The following PIP5K1B variants were observed in gnomAD, a reference collection of about 807,000 sequenced individuals.
PIP5K1B encodes the protein phosphatidylinositol-4-phosphate 5-kinase type 1 beta.
Under a neutral mutation model 67.0 loss-of-function variants are expected in PIP5K1B, and 42 were observed. The ratio of observed to expected loss-of-function variants is 0.63; its 90% CI spans 0.49 to 0.81. The LOEUF is 0.81. Among genes scored for constraint, PIP5K1B ranks in the 30% least tolerant of loss-of-function variants. PIP5K1B has a pLI of 0.00. For missense variants in PIP5K1B, 459 were observed against 646.3 expected (o/e 0.71, Z 3.14); for synonymous variants, 214 against 231.4 (o/e 0.92, Z 0.68).
chr9:69,006,892 T>C (rs1036364332), intron 15 of PIP5K1B, among the ~76,000 whole-genome samples: 4 of 152,238 alleles, frequency 2.6e-5, no homozygotes, highest in Non-Finnish European at 5.9e-5. Flanking sequence ...TGTATGTCAC[T>C]GGTTTTGTGA....
intron 4 of PIP5K1B, among the ~76,000 whole-genome samples, chr9:68,835,719 T>A (rs779630408): frequency 1.3e-5 from 2 of 152,200 alleles, no homozygotes; most frequent in Non-Finnish European, 2.9e-5. Context: ...GTAGTCCTTA[T>A]TATTGACTAT....
At chr9:68,898,846 G>A (rs140980094) in intron 8 of PIP5K1B, among the ~76,000 whole-genome samples, 2 of 152,342 alleles carry the variant, frequency 1.3e-5, no homozygotes, top group East Asian at 1.9e-4. Flanking sequence ...ATCACCTGGA[G>A]TTTTGCTGTA....
intron 2 of PIP5K1B, among the ~76,000 whole-genome samples, chr9:68,811,322 C>T (rs1833151580): frequency 6.6e-6 from 1 of 152,156 alleles, no homozygotes; most frequent in Non-Finnish European, 1.5e-5. Context: ...ATTCCTTACT[C>T]TTCCTGTGTT....
At chr9:68,831,211 G>A (rs1834297028) in intron 4 of PIP5K1B, among the ~76,000 whole-genome samples, 2 of 152,142 alleles carry the variant, frequency 1.3e-5, no homozygotes, top group Admixed American at 6.5e-5. Flanking sequence ...CAAATATATT[G>A]AGTTTATTTT....
chr9:69,002,679 G>A (rs1051356463), intron 15 of PIP5K1B, among the ~76,000 whole-genome samples: 3 of 152,144 alleles, frequency 2.0e-5, no homozygotes, highest in African/African-American at 7.2e-5. Flanking sequence ...GTGATACCTT[G>A]TGTTTAAAAC....
intron 8 of PIP5K1B, among the ~76,000 whole-genome samples, chr9:68,907,587 G>A (rs547239587): frequency 1.4e-4 from 22 of 151,802 alleles, no homozygotes; most frequent in African/African-American, 3.9e-4. Context: ...TCTCAATACC[G>A]ATGGTGACTT....
At chr9:68,723,695 GTTTTTT>G (rs36021674) in intron 1 of PIP5K1B, among the ~76,000 whole-genome samples, 1 of 50,126 alleles carries the variant, frequency 2.0e-5, no homozygotes, top group Non-Finnish European at 3.6e-5. Flanking sequence ...GAAGTATTTG[GTTTTTT>G]TTTTTTTTTT....
At chr9:68,937,605 T>G (rs112530676) in intron 13 of PIP5K1B, among the ~76,000 whole-genome samples, 5,091 of 152,284 alleles carry the variant, frequency 0.033, 125 homozygotes, top group African/African-American at 0.072. Flanking sequence ...TCTATCTCCT[T>G]CAGTTCTGCT....
intron 8 of PIP5K1B, among the ~76,000 whole-genome samples, chr9:68,905,448 G>A (rs1825565330): frequency 6.6e-6 from 1 of 152,112 alleles, no homozygotes; most frequent in South Asian, 2.1e-4. Flanking sequence ...GATGTTAGGG[G>A]CAGCAAACCC....
At chr9:68,925,795 A>ATCTTTTTTTTT (rs1826660292) in intron 12 of PIP5K1B, among the ~76,000 whole-genome samples, 1 of 73,296 alleles carries the variant, frequency 1.4e-5, no homozygotes, top group Non-Finnish European at 2.3e-5. Context: ...TGTGGTTCCA[A>ATCTTTTTTTTT]TTTTTTTTTT....
intron 6 of PIP5K1B, among the ~76,000 whole-genome samples, chr9:68,885,693 T>C (rs1375396737): frequency 7.9e-6 from 1 of 126,780 alleles, no homozygotes; most frequent in Non-Finnish European, 1.7e-5. Flanking sequence ...AGAGGGAGGG[T>C]GGGCAGGGGA....
At chr9:68,945,327 G>T (rs936774432) in intron 14 of PIP5K1B, among the ~76,000 whole-genome samples, 1 of 151,992 alleles carries the variant, frequency 6.6e-6, no homozygotes, top group South Asian at 2.1e-4. Context: ...TGTATTTTTA[G>T]TAGAGGCGGA....
intron 6 of PIP5K1B, among the ~76,000 whole-genome samples, chr9:68,880,620 TACACAC>T (rs138562154): frequency 1.2e-5 from 1 of 84,878 alleles, no homozygotes; most frequent in African/African-American, 3.8e-5. Flanking sequence ...CACACACGCA[TACACAC>T]ACACACACAC....
chr9:68,836,626 T>TACAC (rs137946479), intron 4 of PIP5K1B, among the ~76,000 whole-genome samples: 26 of 151,346 alleles, frequency 1.7e-4, no homozygotes, highest in Admixed American at 4.6e-4. Context: ...CACATACATC[T>TACAC]ACACACACAC....
At chr9:68,987,402 A>T (rs925820226) in intron 14 of PIP5K1B, among the ~76,000 whole-genome samples, 1 of 152,014 alleles carries the variant, frequency 6.6e-6, no homozygotes, top group African/African-American at 2.4e-5. Flanking sequence ...TCTCTACTAA[A>T]AATACAAAAA....
chr9:68,780,111 A>G, intron 2 of PIP5K1B: 1 of 1,471,538 alleles, frequency 6.8e-7, no homozygotes, highest in Non-Finnish European at 9.0e-7. Context: ...GACTGCGGGG[A>G]ATGGGAATCC....
At chr9:68,946,008 G>A (rs1394556661) in intron 14 of PIP5K1B, among the ~76,000 whole-genome samples, 2 of 152,136 alleles carry the variant, frequency 1.3e-5, no homozygotes, top group Non-Finnish European at 2.9e-5. Flanking sequence ...ACCTAAAATA[G>A]CTATTTCCTC....
chr9:68,923,240 TC>T (rs1389158909), intron 11 of PIP5K1B, 61 bp from the exon 12 acceptor site: 6 of 906,026 alleles, frequency 6.6e-6, no homozygotes, highest in Non-Finnish European at 1.1e-5. Flanking sequence ...CATAGATCTC[TC>T]TTCTGACTTG....
At chr9:68,787,003 G>C (rs534597427) in intron 2 of PIP5K1B, among the ~76,000 whole-genome samples, 202 of 152,326 alleles carry the variant, frequency 1.3e-3, no homozygotes, top group African/African-American at 4.7e-3. Context: ...TGGAAAATGA[G>C]TCGGCCCTCT....
Sources: allele counts gnomAD v4.1 joint callset (sites outside exome capture counted in the v4.1 genomes callset), GRCh38; gene constraint gnomAD v4.1.1; transcripts MANE v1.5; gene names NCBI Gene and HGNC (gene_info 2026-07-23, HGNC 2026-07-21).